Variants in SERPINB8 observed in about 807,000 individuals in gnomAD.
SERPINB8 encodes serpin family B member 8, also known as serpin B8.
SERPINB8 carries 25 observed loss-of-function variants against 35.3 expected under a neutral mutation model. The ratio of observed to expected loss-of-function variants is 0.71; its 90% confidence interval spans 0.52 to 0.99. The LOEUF is 0.99. Among genes scored for constraint, SERPINB8 ranks in the 50% least tolerant of loss-of-function variants. The pLI is 0.00. For synonymous variants in SERPINB8, 186 were observed against 160.8 expected (o/e 1.16, Z -1.19); for missense variants, 484 against 446.5 (o/e 1.08, Z -0.76).
At chr18:63,971,822 G>A (rs17072312) in intron 1 of SERPINB8, among the ~76,000 whole-genome samples, 6,903 of 152,112 alleles carry the variant, frequency 0.045, 525 homozygotes, top group African/African-American at 0.16. Flanking sequence ...ATAAGGGTCC[G>A]TCCTATCTCA....
intron 2 of SERPINB8, among the ~76,000 whole-genome samples, chr18:63,979,313 G>A (rs1218858267): frequency 6.6e-6 from 1 of 152,148 alleles, no homozygotes; most frequent in Non-Finnish European, 1.5e-5. Context: ...AACATTTTTA[G>A]TTTTATTGCT....
At chr18:64,008,417 T>C (rs1252855531), downstream of SERPINB8, among the ~76,000 whole-genome samples, 1 of 151,892 alleles carries the variant, frequency 6.6e-6, no homozygotes, top group African/African-American at 2.4e-5. Context: ...AATTTTTTTT[T>C]TTTTAATTTT....
downstream of SERPINB8, among the ~76,000 whole-genome samples, chr18:63,991,426 C>T (rs181533427): frequency 6.6e-6 from 1 of 151,498 alleles, no homozygotes; most frequent in Non-Finnish European, 1.5e-5. Flanking sequence ...ACAAGTCTGG[C>T]ACAAATTTTG....
chr18:63,997,583 A>C (rs928498036), intron 1 of SERPINB8, among the ~76,000 whole-genome samples: 3 of 152,196 alleles, frequency 2.0e-5, no homozygotes, highest in Non-Finnish European at 2.9e-5. Flanking sequence ...ACAACCTGAG[A>C]TAGATCTATC....
intron 1 of SERPINB8, among the ~76,000 whole-genome samples, chr18:63,974,096 A>G (rs2144787356): frequency 6.6e-6 from 1 of 152,336 alleles, no homozygotes; most frequent in Non-Finnish European, 1.5e-5. Flanking sequence ...TTTTAAAGCC[A>G]GCTTCTCTGG....
chr18:64,004,376 G>T (rs12954012), intron 1 of SERPINB8, among the ~76,000 whole-genome samples: 89,885 of 151,884 alleles, frequency 0.59, 26,895 homozygotes, highest in East Asian at 0.69. Flanking sequence ...AAATAAAAGC[G>T]GTATAGAGAA....
chr18:63,980,096 C>T (rs893631303), intron 3 of SERPINB8, among the ~76,000 whole-genome samples, 158 bp downstream of exon 3: 6 of 152,150 alleles, frequency 3.9e-5, no homozygotes, highest in Admixed American at 2.6e-4. Flanking sequence ...GAATTACGTC[C>T]TTTGTAAATT....
At chr18:64,016,589 A>G (rs2050951616) in intron 7 of SERPINB8, among the ~76,000 whole-genome samples, 1 of 152,220 alleles carries the variant, frequency 6.6e-6, no homozygotes, top group Admixed American at 6.5e-5. Flanking sequence ...TTGAATAGGG[A>G]GACAGTTTAG....
chr18:63,976,844 G>A (rs184442160), intron 1 of SERPINB8, among the ~76,000 whole-genome samples: 22 of 152,002 alleles, frequency 1.4e-4, no homozygotes, highest in African/African-American at 3.1e-4. Context: ...TTGCAACTCC[G>A]TAACCCAGTT....
rs995334002 is a variant in SERPINB8 at position 63,977,328 on chromosome 18, CT to C, written c.-10-958del. Among the ~76,000 whole-genome samples the C allele has an allele frequency of 1.6e-3, 237 of 144,938 alleles. 1 individual carries two copies. The highest frequency in any genetic ancestry group is 2.1e-3 in the African/African-American group (83 of 39,820). On this transcript the variant is annotated intron_variant, in intron 1 of 6. Transcript: ENST00000397985. ...TGAAAACAGTGCCTGGCACCAAGAT[CT>C]TTTTTTTTTTTTCCTGAGATGGAGT...
At chr18:63,977,995 T>C (rs1257069599) in intron 1 of SERPINB8, among the ~76,000 whole-genome samples, 2 of 152,170 alleles carry the variant, frequency 1.3e-5, no homozygotes, top group African/African-American at 4.8e-5. Context: ...TCCGTCCTCA[T>C]GTCTCTGTCT....
At chr18:63,999,680 C>T (rs1239673201) in intron 1 of SERPINB8, among the ~76,000 whole-genome samples, 5 of 152,186 alleles carry the variant, frequency 3.3e-5, no homozygotes. Context: ...CTTTTCTAAA[C>T]ACCAGGCCTT....
chr18:63,993,017 A>C (rs1468187502), downstream of SERPINB8, among the ~76,000 whole-genome samples: 1 of 152,038 alleles, frequency 6.6e-6, no homozygotes, highest in African/African-American at 2.4e-5. Context: ...GTGTGAGTTT[A>C]CCCACATCCT....
In SERPINB8 at chr18:63,987,146, C is replaced by CA; in HGVS notation, c.994dup (p.Thr332AsnfsTer62). 8.1e-6 allele frequency: 13 copies of CA among 1,614,162 alleles called. No homozygotes were observed. Among genetic ancestry groups the CA allele is most frequent in the Non-Finnish European group, 1.1e-5 (13 of 1,180,034 alleles). On this transcript the variant is annotated frameshift_variant, in exon 7 of 7. Transcript: ENST00000397985. LOFTEE classifies it high-confidence loss of function. ...AGGAAGGCACAGAGGCTGCCGCAGC[C>CA]ACTGCTGTGGTCAGGAATTCCCGGT...
chr18:63,980,661 C>T (rs3786343), intron 3 of SERPINB8, among the ~76,000 whole-genome samples: 73,843 of 152,060 alleles, frequency 0.49, 18,917 homozygotes, highest in African/African-American at 0.67. Context: ...GAAGGTGACT[C>T]TGGATCCCAG....
intron 7 of SERPINB8, among the ~76,000 whole-genome samples, chr18:64,015,657 G>A (rs868100341): frequency 6.6e-6 from 1 of 152,178 alleles, no homozygotes; most frequent in African/African-American, 2.4e-5. Context: ...TTTCCAGTGA[G>A]AGCATGGCAA....
chr18:63,990,972 A>C (rs1599160273), downstream of SERPINB8, among the ~76,000 whole-genome samples: 1 of 152,346 alleles, frequency 6.6e-6, no homozygotes, highest in Non-Finnish European at 1.5e-5. Context: ...ATATGATGAA[A>C]ATGCTATCCA....
chr18:63,983,440 G>A (rs2050702759), intron 4 of SERPINB8, 139 bp from the exon 5 acceptor site: 6 of 735,060 alleles, frequency 8.2e-6, no homozygotes, highest in Admixed American at 2.4e-5. Flanking sequence ...AAACACCATC[G>A]CCTAATTCAT....
downstream of SERPINB8, among the ~76,000 whole-genome samples, chr18:63,989,667 G>A (rs757846990): frequency 1.3e-5 from 2 of 152,084 alleles, no homozygotes; most frequent in Non-Finnish European, 2.9e-5. Flanking sequence ...GCTTAGGCCG[G>A]GCGCGGTGGC....
Sources: allele counts gnomAD v4.1 joint callset (sites outside exome capture counted in the v4.1 genomes callset), GRCh38; gene constraint gnomAD v4.1.1; transcripts MANE v1.5; gene names NCBI Gene and HGNC (gene_info 2026-07-23, HGNC 2026-07-21).